TTC7A: variants seen among roughly 807,000 people sequenced by gnomAD.
TTC7A encodes the protein tetratricopeptide repeat domain 7A.
TTC7A carries 110 observed loss-of-function variants against 103.7 expected under a neutral mutation model. That is an observed-to-expected ratio of 1.06 (90% CI 0.91 to 1.24). The LOEUF (loss-of-function observed/expected upper bound fraction) is 1.24. Ranked by LOEUF, TTC7A falls within the 50% of genes most tolerant of loss-of-function variation. The probability of loss-of-function intolerance (pLI) is 0.00; values close to 1 mark genes in which losing one functional copy is unlikely to be tolerated. For synonymous variants in TTC7A, 521 were observed against 467.9 expected, an observed-to-expected ratio of 1.11 and a Z score of -1.47; for missense variants, 1,340 against 1,116.3, an observed-to-expected ratio of 1.20 and a Z score of -2.86.
chr2:46,918,781 T>G (rs541433554), intron 2 of TTC7A, among the ~76,000 whole-genome samples: 1 of 152,328 alleles, frequency 6.6e-6, no homozygotes, highest in South Asian at 2.1e-4. Flanking sequence ...GAGTGTTGCC[T>G]TTTTTAGTAG....
intron 15 of TTC7A, among the ~76,000 whole-genome samples, chr2:47,042,207 G>T (rs1026819938): frequency 6.6e-6 from 1 of 152,192 alleles, no homozygotes; most frequent in Admixed American, 6.5e-5. Flanking sequence ...TCCCTGAGAG[G>T]TGGAAGTTTC....
chr2:46,941,062 G>A (rs1006971856), upstream of TTC7A: 1 of 150,362 alleles, frequency 6.7e-6, no homozygotes, highest in Non-Finnish European at 1.5e-5. The surrounding 1 kb of genome is among the most constrained non-coding windows in gnomAD (Gnocchi z 4.2). Flanking sequence ...CGGGGGGCGG[G>A]TACCCGGGCG....
At chr2:46,945,983 CTG>C (rs1670902505) in intron 1 of TTC7A, among the ~76,000 whole-genome samples, 3 of 152,296 alleles carry the variant, frequency 2.0e-5, no homozygotes, top group African/African-American at 4.8e-5. Context: ...TGTTTCCTGA[CTG>C]TGAATGGGTG....
intron 8 of TTC7A, among the ~76,000 whole-genome samples, chr2:46,997,456 A>G (rs571618137): frequency 3.4e-4 from 52 of 152,290 alleles, no homozygotes; most frequent in African/African-American, 1.1e-3. Context: ...TCAATTGTTT[A>G]TGACCTGCAA....
intron 18 of TTC7A, among the ~76,000 whole-genome samples, chr2:47,055,047 C>T (rs566751901): frequency 4.2e-4 from 64 of 152,170 alleles, no homozygotes; most frequent in African/African-American, 1.4e-3. Flanking sequence ...ATCTACCAAG[C>T]ACCTGTTGAA....
At chr2:47,044,853 A>G (rs945834613) in intron 15 of TTC7A, among the ~76,000 whole-genome samples, 1 of 152,232 alleles carries the variant, frequency 6.6e-6, no homozygotes, top group Non-Finnish European at 1.5e-5. Flanking sequence ...GGCAGAGAGT[A>G]AGGACATCAG....
intron 19 of TTC7A, among the ~76,000 whole-genome samples, chr2:47,064,381 G>A (rs1270602389): frequency 6.6e-6 from 1 of 152,234 alleles, no homozygotes; most frequent in African/African-American, 2.4e-5. Context: ...CCACTCAGCT[G>A]GGGTATTCAG....
chr2:46,948,153 G>A (rs1336147469), intron 1 of TTC7A, among the ~76,000 whole-genome samples: 3 of 152,254 alleles, frequency 2.0e-5, no homozygotes, highest in African/African-American at 7.2e-5. Context: ...AGTGCACAGA[G>A]GAAAGGGGGC....
intron 16 of TTC7A, 48 bp downstream of exon 16, chr2:47,046,479 G>A: frequency 6.7e-7 from 1 of 1,498,890 alleles, no homozygotes; most frequent in Non-Finnish European, 9.3e-7. Flanking sequence ...TGGTTGCCAG[G>A]GCAACAATCC....
At chr2:47,052,825 C>G (rs994078911) in intron 18 of TTC7A, among the ~76,000 whole-genome samples, 2 of 152,174 alleles carry the variant, frequency 1.3e-5, no homozygotes, top group African/African-American at 2.4e-5. Context: ...GTACCTCTTG[C>G]ATTTTCTCTG....
intron 8 of TTC7A, among the ~76,000 whole-genome samples, chr2:47,002,956 G>A (rs1278928066): frequency 6.6e-6 from 1 of 152,120 alleles, no homozygotes; most frequent in Non-Finnish European, 1.5e-5. Context: ...TGCCTATTGA[G>A]GGCCTATCAC....
chr2:46,940,960 G>A (rs557077159), upstream of TTC7A, among the ~76,000 whole-genome samples: 2 of 152,262 alleles, frequency 1.3e-5, no homozygotes, highest in African/African-American at 2.4e-5. The surrounding 1 kb of genome is among the most constrained non-coding windows in gnomAD (Gnocchi z 4.7). Flanking sequence ...AGCCCCGATG[G>A]GATGGGGAGG....
At chr2:46,927,307 T>C (rs983442022) in intron 2 of TTC7A, among the ~76,000 whole-genome samples, 1 of 151,394 alleles carries the variant, frequency 6.6e-6, no homozygotes, top group Non-Finnish European at 1.5e-5. Flanking sequence ...AAAATAAGTC[T>C]GTAGAAAACC....
intron 6 of TTC7A, among the ~76,000 whole-genome samples, chr2:46,993,967 G>A (rs1367588032): frequency 1.3e-5 from 2 of 152,120 alleles, no homozygotes; most frequent in South Asian, 2.1e-4. Flanking sequence ...ATTCTCCATC[G>A]AATATCAGAA....
intron 16 of TTC7A, among the ~76,000 whole-genome samples, chr2:47,049,060 G>A (rs10198941): frequency 0.12 from 18,098 of 152,162 alleles, 2,096 homozygotes; most frequent in East Asian, 0.41. Context: ...GTGAGCCTGA[G>A]TTACGATGGC....
chr2:47,042,135 C>T (rs896980058), intron 15 of TTC7A, among the ~76,000 whole-genome samples: 13 of 152,108 alleles, frequency 8.5e-5, no homozygotes, highest in Admixed American at 7.2e-4. Flanking sequence ...AAAAATCTCT[C>T]GGGTGATAGA....
intron 19 of TTC7A, among the ~76,000 whole-genome samples, chr2:47,067,391 C>G (rs1684267066): frequency 6.6e-6 from 1 of 152,218 alleles, no homozygotes; most frequent in South Asian, 2.1e-4. Context: ...CCACCTGGGA[C>G]CAGGCTGGTT....
At position 46,993,307 on chromosome 2, in the gene TTC7A, C is replaced by G. The variant is rs1007893460; in HGVS notation, c.765-143C>G. On this transcript the variant is annotated intron_variant, in intron 5 of 19. Coordinates refer to ENST00000319190, the MANE Select transcript of TTC7A (RefSeq NM_020458.4). ...GGCCTCTAAAGTCCTGGTGTTACAA[C>G]TCTAACTTTTCACTCCAGTTATCGA... 25 of 737,930 alleles carry G rather than the reference C, an allele frequency of 3.4e-5. No individual in the cohort carries two copies. In the African/African-American group the frequency reaches 3.8e-4, roughly 11 times the overall value. The allele number at this position is 737,930 out of a possible 1,614,324, so 45.7% of individuals were successfully genotyped here. A position where few individuals can be genotyped will look rare whatever the true frequency, so the allele number is the denominator to read the frequency against.
At position 47,074,002 on chromosome 2, in the gene TTC7A, T is replaced by A; in HGVS notation, c.*79T>A. The stretch of plus-strand genomic sequence containing the variant: ...AACGTGGGTCAGGGTGGGGCAACAG[T>A]GGCATCAGGTGCGGGGCCTCAGGGA... On this transcript the variant is annotated 3_prime_UTR_variant, in exon 20 of 20. Coordinates refer to ENST00000319190, the MANE Select transcript of TTC7A (RefSeq NM_020458.4). The A allele has an allele frequency of 8.9e-7, 1 of 1,127,708 alleles. No homozygotes were observed. The highest frequency in any genetic ancestry group is 1.3e-6 in the Non-Finnish European group (1 of 781,348). 69.9% of individuals were successfully genotyped at this position (1,127,708 alleles called of 1,614,324 possible).
Sources: gnomAD v4.1 joint callset for allele counts (sites outside exome capture counted in the v4.1 genomes callset) on GRCh38, gnomAD v4.1.1 for gene constraint, Gnocchi (gnomAD v3.1) non-coding constraint, MANE v1.5 for transcripts, NCBI Gene and HGNC (gene_info 2026-07-23, HGNC 2026-07-21) for gene names.